LIPA: variants seen among roughly 807,000 people sequenced by gnomAD.
LIPA encodes the protein lysosomal acid lipase/cholesteryl ester hydrolase.
Under a neutral mutation model 40.6 loss-of-function variants are expected in LIPA, and 26 were observed. The observed-to-expected ratio is 0.64, with a 90% CI of 0.47 to 0.89. The LOEUF (loss-of-function observed/expected upper bound fraction) is 0.89. LIPA is among the 40% of genes least tolerant of loss of function. LIPA has a pLI of 0.00. For missense variants in LIPA, 455 were observed against 479.6 expected, an observed-to-expected ratio of 0.95 and a Z score of 0.48; for synonymous variants, 188 against 168.4, an observed-to-expected ratio of 1.12 and a Z score of -0.90.
chr10:89,383,171 T>C (rs1844175959), intron 2 of LIPA: 1 of 682,970 alleles, frequency 1.5e-6, no homozygotes. Context: ...TCTTTCCTAA[T>C]GACATGACTG....
intron 2 of LIPA, chr10:89,402,866 T>C (rs770358372): frequency 1.2e-6 from 2 of 1,614,150 alleles, no homozygotes; most frequent in Non-Finnish European, 1.7e-6. Context: ...CCACAAAAAA[T>C]CACAAGCCAT....
intron 1 of LIPA, among the ~76,000 whole-genome samples, chr10:89,335,131 T>G (rs926458490): frequency 1.3e-5 from 2 of 152,154 alleles, no homozygotes; most frequent in Admixed American, 6.5e-5. Context: ...CCTCATCAAA[T>G]TGGAGACTTT....
At chr10:89,388,831 T>C (rs1487056028) in intron 2 of LIPA, among the ~76,000 whole-genome samples, 1 of 150,948 alleles carries the variant, frequency 6.6e-6, no homozygotes, top group Non-Finnish European at 1.5e-5. Context: ...AAAATTCTAG[T>C]AGTACTTGAA....
chr10:89,293,996 G>C (rs972041686), intron 1 of LIPA, among the ~76,000 whole-genome samples: 1 of 152,172 alleles, frequency 6.6e-6, no homozygotes, highest in African/African-American at 2.4e-5. Context: ...GTGTACTGAT[G>C]TATCTTAAGA....
chr10:89,353,081 C>A (rs1449026125), intron 2 of LIPA, among the ~76,000 whole-genome samples: 3 of 152,268 alleles, frequency 2.0e-5, no homozygotes, highest in Middle Eastern at 3.4e-3. Context: ...ATGAACAGGG[C>A]AGGAGAGGGC....
chr10:89,339,888 A>C, intron 1 of LIPA: 1 of 1,614,200 alleles, frequency 6.2e-7, no homozygotes, highest in Non-Finnish European at 8.5e-7. Context: ...ATCTGCTTCC[A>C]CAAAATGCAC....
intron 2 of LIPA, among the ~76,000 whole-genome samples, chr10:89,353,706 C>T (rs1044253996): frequency 6.6e-6 from 1 of 152,036 alleles, no homozygotes; most frequent in East Asian, 1.9e-4. Context: ...ACTGGGAGGC[C>T]GAGCCTGGCA....
chr10:89,412,769 G>A (rs1215631212), intron 2 of LIPA: 2 of 433,230 alleles, frequency 4.6e-6, no homozygotes, highest in African/African-American at 2.1e-5. Context: ...CACTCCTGAA[G>A]TCAGCAAGAC....
chr10:89,289,633 C>T (rs893912249), intron 1 of LIPA, among the ~76,000 whole-genome samples: 9 of 152,168 alleles, frequency 5.9e-5, no homozygotes, highest in East Asian at 3.9e-4. Flanking sequence ...AATAACGAAC[C>T]GGCCTTTATT....
chr10:89,246,248 T>G (rs1843023619), intron 2 of LIPA, among the ~76,000 whole-genome samples: 1 of 152,186 alleles, frequency 6.6e-6, no homozygotes, highest in African/African-American at 2.4e-5. Context: ...CTAAAATAAT[T>G]ACATAGAATG....
chr10:89,303,796 TG>T (rs771892609), intron 1 of LIPA, among the ~76,000 whole-genome samples: 1 of 152,186 alleles, frequency 6.6e-6, no homozygotes, highest in Non-Finnish European at 1.5e-5. Flanking sequence ...CAAACTCAAC[TG>T]GAAGTTGGAA....
chr10:89,323,915 A>G (rs1843585797), intron 1 of LIPA, among the ~76,000 whole-genome samples: 1 of 152,242 alleles, frequency 6.6e-6, no homozygotes. Flanking sequence ...TCATAGAATT[A>G]GAAAAACCTA....
At chr10:89,302,106 G>A (rs372180716) in intron 1 of LIPA, 224 of 1,613,892 alleles carry the variant, frequency 1.4e-4, no homozygotes, top group Middle Eastern at 3.3e-4. Flanking sequence ...CCGAACAGCT[G>A]AGAATTGCAC....
At chr10:89,281,493 G>T (rs12269477) in intron 1 of LIPA, among the ~76,000 whole-genome samples, 1,871 of 152,112 alleles carry the variant, frequency 0.012, 29 homozygotes, top group African/African-American at 0.037. Context: ...TTTAACAGGT[G>T]CCCACTGCAA....
chr10:89,370,387 G>T (rs1272850129), intron 2 of LIPA, among the ~76,000 whole-genome samples: 3 of 151,600 alleles, frequency 2.0e-5, no homozygotes, highest in African/African-American at 7.3e-5. Flanking sequence ...ACCACATCGG[G>T]CTAAGTTTTT....
At position 89,410,062 on chromosome 10, in the gene LIPA, G is replaced by A. The variant is rs186832458; in HGVS notation, c.61+2729C>T. ...GCTCCTGGGGTCCTTACTCAGACTCGTGGGACAACCCCATGACCAGTGGCA... is the reference window on the plus strand; with the variant it reads ...GCTCCTGGGGTCCTTACTCAGACTCATGGGACAACCCCATGACCAGTGGCA... On this transcript the variant is annotated intron_variant, in intron 2 of 8. Coordinates refer to the LIPA transcript ENST00000371837. Among the ~76,000 whole-genome samples the A allele has an allele frequency of 6.6e-5, 10 of 152,280 alleles. No individual in the cohort carries two copies. In the East Asian group the frequency reaches 1.4e-3, roughly 21 times the overall value.
chr10:89,241,786 G>T (rs1296708206), intron 3 of LIPA, among the ~76,000 whole-genome samples: 1 of 152,080 alleles, frequency 6.6e-6, no homozygotes, highest in South Asian at 2.1e-4. Context: ...AGATACAAAT[G>T]TGCCACTCTT....
chr10:89,315,417 T>C (rs1843536360), intron 1 of LIPA, among the ~76,000 whole-genome samples: 1 of 152,196 alleles, frequency 6.6e-6, no homozygotes. Flanking sequence ...GGAAACACCA[T>C]ATGTCATGTT....
chr10:89,395,672 G>A (rs920978648), intron 2 of LIPA, among the ~76,000 whole-genome samples: 4 of 152,088 alleles, frequency 2.6e-5, no homozygotes, highest in African/African-American at 7.2e-5. Context: ...TAGATCAGAC[G>A]CTTAGGCATT....
Sources: allele counts gnomAD v4.1 joint callset (sites outside exome capture counted in the v4.1 genomes callset), GRCh38; gene constraint gnomAD v4.1.1; transcripts MANE v1.5; gene names NCBI Gene and HGNC (gene_info 2026-07-23, HGNC 2026-07-21).